TMEM217: variants seen among roughly 807,000 people sequenced by gnomAD.
TMEM217 encodes the protein transmembrane protein 217, also known as chromosome 6 open reading frame 128.
For synonymous variants in TMEM217, 76 were observed against 88.3 expected, an observed-to-expected ratio of 0.86 and a Z score of 0.78; for missense variants, 204 against 248.8, an observed-to-expected ratio of 0.82 and a Z score of 1.21.
At chr6:37,252,062 T>G (rs1765427085) in intron 1 of TMEM217, among the ~76,000 whole-genome samples, 1 of 152,116 alleles carries the variant, frequency 6.6e-6, no homozygotes, top group African/African-American at 2.4e-5. Flanking sequence ...CCCAGCTAAT[T>G]TTGTAATTTT....
In TMEM217 at chr6:37,230,429, C is replaced by T. The variant is rs532812945; in HGVS notation, c.-11-11388G>A. Among the ~76,000 whole-genome samples the T allele has an allele frequency of 7.9e-4, 121 of 152,258 alleles. 1 individual carries two copies. The highest frequency in any genetic ancestry group is 2.6e-3 in the African/African-American group (110 of 41,534). ...TCAATTCTATGTTGAAATCCTAACC[C>T]GCAGCACTGCAGAATGTGACTGTAT... On this transcript the variant is annotated intron_variant, in intron 1 of 1. Transcript: ENST00000357219.
chr6:37,216,066 T>G (rs1455051610), downstream of TMEM217, among the ~76,000 whole-genome samples: 5 of 151,314 alleles, frequency 3.3e-5, no homozygotes, highest in Non-Finnish European at 5.9e-5. Context: ...ATAATCAGAT[T>G]TGAATTTTAT....
chr6:37,248,091 C>T (rs1379721954), intron 1 of TMEM217, among the ~76,000 whole-genome samples: 1 of 152,166 alleles, frequency 6.6e-6, no homozygotes, highest in African/African-American at 2.4e-5. Context: ...AAATCACACT[C>T]ATCTTTCAAG....
intron 1 of TMEM217, among the ~76,000 whole-genome samples, chr6:37,226,186 A>G (rs1763812533): frequency 6.7e-6 from 1 of 150,292 alleles, no homozygotes; most frequent in African/African-American, 2.5e-5. Context: ...ATGCTTATTT[A>G]CCATCTCCTC....
In TMEM217 at chr6:37,246,640, C is replaced by T. The variant is rs141555661; in HGVS notation, c.-12+10928G>A. ...TTCTCAGGCTGGGCATGGTGGTTCACGTCTGTAACCCCGGCACTTTGGGAG... is the reference window on the plus strand; with the variant it reads ...TTCTCAGGCTGGGCATGGTGGTTCATGTCTGTAACCCCGGCACTTTGGGAG... On this transcript the variant is annotated intron_variant, in intron 1 of 1. Transcript: ENST00000357219. Among the ~76,000 whole-genome samples, 519 of 152,260 alleles carry T rather than the reference C, an allele frequency of 3.4e-3. 2 individuals are homozygous for T. The highest frequency in any genetic ancestry group is 0.011 in the African/African-American group (458 of 41,566).
At chr6:37,218,030 G>A in exon 2 of TMEM217, 1 of 994,864 alleles carries the variant, frequency 1.0e-6, no homozygotes, top group Non-Finnish European at 1.2e-6. Flanking sequence ...GTGGCAGTAG[G>A]GTCTCTACTT....
chr6:37,213,582 G>A (rs1001185736), downstream of TMEM217, among the ~76,000 whole-genome samples: 10 of 152,368 alleles, frequency 6.6e-5, no homozygotes, highest in African/African-American at 2.4e-4. Context: ...TCTGCCCAGG[G>A]CCAAGATGCC....
At chr6:37,218,639 C>A (rs1376075564) in exon 2 of TMEM217, 2 of 1,614,108 alleles carry the variant, frequency 1.2e-6, no homozygotes, top group Admixed American at 1.7e-5. Context: ...AGACACCAAG[C>A]CAAACCAGCG....
At chr6:37,250,790 C>T (rs1765357778) in intron 1 of TMEM217, among the ~76,000 whole-genome samples, 1 of 152,250 alleles carries the variant, frequency 6.6e-6, no homozygotes, top group Non-Finnish European at 1.5e-5. Context: ...GCAACACATT[C>T]TGATCTTTTC....
chr6:37,257,979 C>A (rs762561605), exon 1 of TMEM217: 2 of 1,613,744 alleles, frequency 1.2e-6, no homozygotes, highest in Non-Finnish European at 1.7e-6. Flanking sequence ...GGGAGGTGAG[C>A]CCAGGACGCT....
In TMEM217 at chr6:37,219,343, A is replaced by G. The variant is rs1018855343; in HGVS notation, c.-11-302T>C. Among the ~76,000 whole-genome samples, 3 of 152,196 alleles carry G rather than the reference A, an allele frequency of 2.0e-5. No homozygotes were observed. The East Asian group carries it at 5.8e-4, about 29-fold the overall frequency. ...CAGGCCCCACCACAGACCAATCACA[A>G]CATTCTCTGGTTGGGATCCAGGCAC... On this transcript the variant is annotated intron_variant, in intron 1 of 1. Transcript: ENST00000357219.
chr6:37,229,340 T>G (rs912944580), intron 1 of TMEM217, among the ~76,000 whole-genome samples: 1 of 123,060 alleles, frequency 8.1e-6, no homozygotes, highest in Admixed American at 8.3e-5. Flanking sequence ...TTTCAGTTTT[T>G]TTTTTTTTTT....
intron 1 of TMEM217, among the ~76,000 whole-genome samples, chr6:37,229,564 G>C (rs192115346): frequency 0.015 from 2,232 of 151,930 alleles, 27 homozygotes; most frequent in Non-Finnish European, 0.022. Context: ...GGATGGTCTC[G>C]ATCTCCTGAC....
chr6:37,254,865 G>T (rs1026988763), intron 1 of TMEM217, among the ~76,000 whole-genome samples: 3 of 152,082 alleles, frequency 2.0e-5, no homozygotes, highest in Non-Finnish European at 4.4e-5. Context: ...TGAAAATTTT[G>T]GGGGAGGGGG....
intron 1 of TMEM217, among the ~76,000 whole-genome samples, chr6:37,234,714 C>T (rs550791381): frequency 4.0e-4 from 61 of 151,688 alleles, no homozygotes; most frequent in African/African-American, 1.1e-3. Flanking sequence ...CCAGCCTAGG[C>T]GACAGAGTGA....
downstream of TMEM217, among the ~76,000 whole-genome samples, chr6:37,216,059 A>T (rs534949070): frequency 6.6e-6 from 1 of 151,558 alleles, no homozygotes; most frequent in East Asian, 1.9e-4. Context: ...GACAGACATA[A>T]TCAGATTTGA....
intron 1 of TMEM217, among the ~76,000 whole-genome samples, chr6:37,227,725 A>G (rs1243975292): frequency 6.6e-6 from 1 of 152,088 alleles, no homozygotes; most frequent in African/African-American, 2.4e-5. Context: ...CTGGGATTAC[A>G]GGTATGAGCC....
At chr6:37,225,444 G>C (rs573343555) in intron 1 of TMEM217, among the ~76,000 whole-genome samples, 8 of 152,204 alleles carry the variant, frequency 5.3e-5, no homozygotes, top group African/African-American at 1.7e-4. Context: ...TGTTTTCTAT[G>C]ACCTAGGATT....
intron 1 of TMEM217, among the ~76,000 whole-genome samples, chr6:37,237,813 T>TAC (rs776404580): frequency 1.3e-5 from 2 of 152,114 alleles, no homozygotes; most frequent in Non-Finnish European, 2.9e-5. Flanking sequence ...TCTATATATA[T>TAC]ACACACACAC....
Sources: gnomAD v4.1 joint callset for allele counts (sites outside exome capture counted in the v4.1 genomes callset) on GRCh38, gnomAD v4.1.1 for gene constraint, MANE v1.5 for transcripts, NCBI Gene and HGNC (gene_info 2026-07-23, HGNC 2026-07-21) for gene names.